The following NTS variants were observed in gnomAD, a reference collection of about 807,000 sequenced individuals.
NTS encodes neurotensin.
Under a neutral mutation model 19.5 loss-of-function variants are expected in NTS, and 20 were observed. The ratio of observed to expected loss-of-function variants is 1.02; its 90% CI spans 0.72 to 1.49. NTS has a LOEUF of 1.49. Ranked by LOEUF, NTS falls within the 40% of genes most tolerant of loss-of-function variation. The probability of loss-of-function intolerance (pLI) is 0.00; values close to 1 mark genes in which losing one functional copy is unlikely to be tolerated. For missense variants in NTS, 215 were observed against 193.1 expected, an observed-to-expected ratio of 1.11 and a Z score of -0.67; for synonymous variants, 71 against 63.3, an observed-to-expected ratio of 1.12 and a Z score of -0.58.
At chr12:85,881,625 G>A (rs995324167) in intron 3 of NTS, among the ~76,000 whole-genome samples, 1 of 152,206 alleles carries the variant, frequency 6.6e-6, no homozygotes, top group Non-Finnish European at 1.5e-5. Context: ...TAAAGAGATC[G>A]TTATCATTTA....
intron 3 of NTS, among the ~76,000 whole-genome samples, chr12:85,879,646 A>G (rs1391682732): frequency 6.4e-5 from 8 of 124,164 alleles, no homozygotes; most frequent in East Asian, 2.1e-4. Context: ...TTTTATGTAT[A>G]TAAAATATAT....
chr12:85,874,303 C>T lies in NTS; in HGVS notation c.-101C>T. On this transcript the variant is annotated 5_prime_UTR_variant, in exon 1 of 4. Transcript: ENST00000256010. ...TGGCCAGAGCACCTCTCATAGTTCA[C>T]TCACTTTCAAAGCCAGCTGAAGGAA... 1 of 798,720 alleles carries T rather than the reference C, an allele frequency of 1.3e-6. No homozygotes were observed. Among genetic ancestry groups the T allele is most frequent in the Non-Finnish European group, 2.2e-6 (1 of 450,972 alleles). 49.5% of individuals were successfully genotyped at this position (798,720 alleles called of 1,614,324 possible).
intron 2 of NTS, 80 bp from the exon 3 acceptor site, chr12:85,878,265 A>G: frequency 1.0e-6 from 1 of 975,742 alleles, no homozygotes; most frequent in South Asian, 1.8e-5. Flanking sequence ...CCTAAATGTG[A>G]TGGTTTAGCA....
At chr12:85,877,867 C>G (rs899634129) in intron 2 of NTS, among the ~76,000 whole-genome samples, 3 of 152,060 alleles carry the variant, frequency 2.0e-5, no homozygotes, top group Non-Finnish European at 4.4e-5. Flanking sequence ...CATGAAGGTT[C>G]TATATAATCT....
In NTS at chr12:85,876,662, A is replaced by C. The variant is rs1249225266; in HGVS notation, c.96A>C (p.Ala32=). Residue 32 remains alanine, a synonymous_variant, in exon 2 of 4, where the codon GCA becomes GCC. Transcript: ENST00000256010. ...CAGATTCAGAAGAGGAAATGAAAGC[A>C]TTAGAAGCAGATTTCTTGACCAATA... is the stretch of plus-strand genomic sequence containing the variant. ...LCSDSEEEMK[A]LEADFLTNMH... is the part of the protein sequence containing the mutation. 3 of 1,594,806 alleles carry C rather than the reference A, an allele frequency of 1.9e-6. No individual in the cohort carries two copies. The African/African-American group carries it at 4.0e-5, about 21-fold the overall frequency.
At chr12:85,876,722 AC>A in intron 2 of NTS, 21 bp downstream of exon 2, 1 of 1,393,742 alleles carries the variant, frequency 7.2e-7, no homozygotes, top group Non-Finnish European at 1.0e-6. Flanking sequence ...CTTTTCTTTA[AC>A]CCTGAGTTGA....
At chr12:85,879,031 TATATTTTTATGTA>T (rs1881412543) in intron 3 of NTS, among the ~76,000 whole-genome samples, 1 of 138,828 alleles carries the variant, frequency 7.2e-6, no homozygotes, top group Admixed American at 7.2e-5. Flanking sequence ...CAAATAAAAA[TATATTTTTATGTA>T]CATAAAATAT....
At chr12:85,877,558 G>A (rs1030007818) in intron 2 of NTS, among the ~76,000 whole-genome samples, 2 of 151,946 alleles carry the variant, frequency 1.3e-5, no homozygotes, top group Non-Finnish European at 2.9e-5. Context: ...TTGTTAGATA[G>A]GCAAACATAT....
rs1187800275 is a variant in NTS at position 85,878,523 on chromosome 12, A to G, written c.314A>G (p.Tyr105Cys). Residue 105 changes from tyrosine to cysteine, a missense_variant, in exon 3 of 4, where the codon TAC (tyrosine) becomes TGC (cysteine). Transcript: ENST00000256010. Reference protein sequence around the residue: ...GFSLEAMLTIYQLHKICHSRA... With the variant: ...GFSLEAMLTICQLHKICHSRA... The stretch of plus-strand genomic sequence containing the variant: ...AGCTTGGAAGCAATGTTGACAATAT[A>G]CCAGCTCCACAAAATCTGTCACAGC... 3.1e-6 allele frequency: 5 copies of G among 1,613,518 alleles called. No homozygotes were observed. The Admixed American group carries it at 8.3e-5, about 27-fold the overall frequency.
At chr12:85,880,113 G>GAT (rs1217158448) in intron 3 of NTS, among the ~76,000 whole-genome samples, 1 of 150,926 alleles carries the variant, frequency 6.6e-6, no homozygotes, top group Non-Finnish European at 1.5e-5. Flanking sequence ...ATATAGTAAG[G>GAT]ATATATATCC....
chr12:85,876,727 G>A, intron 2 of NTS, 26 bp downstream of exon 2: 1 of 1,298,368 alleles, frequency 7.7e-7, no homozygotes, highest in South Asian at 1.4e-5. Context: ...CTTTAACCCT[G>A]AGTTGAAGAA....
At position 85,882,401 on chromosome 12, in the gene NTS, G is replaced by A. The variant is rs774556184; in HGVS notation, c.*26G>A. On this transcript the variant is annotated 3_prime_UTR_variant, in exon 4 of 4. Transcript: ENST00000256010. ...GAGAATAAATCATTTATTTACATGT[G>A]ATTGTGATTCATCATCCCTTAATTA... The A allele has an allele frequency of 2.1e-6, 3 of 1,456,804 alleles. No homozygotes were observed. Among genetic ancestry groups the A allele is most frequent in the South Asian group, 1.3e-5 (1 of 75,308 alleles). The allele number at this position is 1,456,804 out of a possible 1,614,324, so 90.2% of individuals were successfully genotyped here.
Position 85,875,788 on chromosome 12 carries a change from C to G in NTS, c.74-852C>G, listed in dbSNP as rs574482466. On this transcript the variant is annotated intron_variant, in intron 1 of 3. Transcript: ENST00000256010. ...TCTAACAAATAGTGAGAAAAGATCT[C>G]TTGTATAATTTAGGTTCTAGGTAAA... Among the ~76,000 whole-genome samples, 13 of 152,064 alleles carry G rather than the reference C, an allele frequency of 8.5e-5. No individual in the cohort carries two copies. The East Asian group carries it at 2.3e-3, about 27-fold the overall frequency.
intron 1 of NTS, among the ~76,000 whole-genome samples, chr12:85,874,927 C>G (rs995791680): frequency 2.0e-5 from 3 of 152,080 alleles, no homozygotes; most frequent in African/African-American, 7.2e-5. Flanking sequence ...GTATTATTTT[C>G]TTGTTTGTGT....
Position 85,875,118 on chromosome 12 carries a change from T to C in NTS, c.73+642T>C, listed in dbSNP as rs533864781. On this transcript the variant is annotated intron_variant, in intron 1 of 3. Coordinates refer to ENST00000256010, the MANE Select transcript of NTS (RefSeq NM_006183.5). ...ATTTTTTCCATGCCATTTAAGTTAA[T>C]ACAAAATACAATTGGAAAATTGGTA... is the stretch of plus-strand genomic sequence containing the variant. Among the ~76,000 whole-genome samples the C allele has an allele frequency of 3.9e-5, 6 of 152,322 alleles. No homozygotes were observed. The East Asian group carries it at 5.8e-4, about 15-fold the overall frequency.
chr12:85,876,656 G>C lies in NTS; in HGVS notation c.90G>C (p.Met30Ile). The change falls in exon 2 of 4, where the codon ATG (methionine) becomes ATC (isoleucine). Residue 30 changes from methionine (M) to isoleucine (I), a missense_variant. Physicochemically the swap from Met to Ile is conservative, Grantham distance 10. Coordinates refer to ENST00000256010, the MANE Select transcript of NTS (RefSeq NM_006183.5). Reference sequence around the variant, plus strand: ...TTTACTCAGATTCAGAAGAGGAAATGAAAGCATTAGAAGCAGATTTCTTGA... The same window carrying C: ...TTTACTCAGATTCAGAAGAGGAAATCAAAGCATTAGAAGCAGATTTCTTGA... ...WSLCSDSEEE[M>I]KALEADFLTN... is the part of the protein sequence containing the mutation. 1 of 1,590,618 alleles carries C rather than the reference G, an allele frequency of 6.3e-7. No homozygotes were observed. The highest frequency in any genetic ancestry group is 1.1e-5 in the South Asian group (1 of 87,312).
chr12:85,877,659 A>G (rs1331161603), intron 2 of NTS, among the ~76,000 whole-genome samples: 1 of 152,034 alleles, frequency 6.6e-6, no homozygotes, highest in African/African-American at 2.4e-5. Flanking sequence ...ACCCTCTGAC[A>G]GGCCCCGGTG....
chr12:85,875,623 G>A (rs181568759), intron 1 of NTS, among the ~76,000 whole-genome samples: 2,055 of 152,096 alleles, frequency 0.014, 24 homozygotes, highest in Non-Finnish European at 0.022. Flanking sequence ...TGAGATTAAA[G>A]ATTCACATAC....
chr12:85,880,821 C>G (rs1001629818), intron 3 of NTS, among the ~76,000 whole-genome samples: 7 of 151,894 alleles, frequency 4.6e-5, no homozygotes, highest in Non-Finnish European at 7.4e-5. Context: ...GCGTAGTGGC[C>G]GGCGCCTGTA....
Sources: gnomAD v4.1 joint callset for allele counts (sites outside exome capture counted in the v4.1 genomes callset) on GRCh38, gnomAD v4.1.1 for gene constraint, MANE v1.5 for transcripts, NCBI Gene and HGNC (gene_info 2026-07-23, HGNC 2026-07-21) for gene names.